Variants in PHACTR1 observed in about 807,000 individuals in gnomAD.
The protein encoded by PHACTR1 is phosphatase and actin regulator 1.
In PHACTR1, 16 loss-of-function variants were observed where a neutral mutation model predicts 69.2. The observed-to-expected ratio is 0.23, with a 90% CI of 0.16 to 0.35. The LOEUF (loss-of-function observed/expected upper bound fraction) is 0.35, where lower values mean the gene tolerates loss of function less well. Among genes scored for constraint, PHACTR1 ranks in the 10% least tolerant of loss-of-function variants. The pLI is 1.00. For synonymous variants in PHACTR1, 312 were observed against 284.5 expected (o/e 1.10, Z -0.97); for missense variants, 510 against 734.7 (o/e 0.69, Z 3.54).
rs112138988 is a variant in PHACTR1, at chr6:13,252,283, G to A, written c.1392-20577G>A. Among the ~76,000 whole-genome samples the A allele has an allele frequency of 1.8e-3, 262 of 143,752 alleles. 2 individuals are homozygous for A. Among genetic ancestry groups the A allele is most frequent in the African/African-American group, 5.9e-3 (228 of 38,362 alleles). The allele number at this position is 143,752 out of a possible 152,430, so 94.3% of individuals were successfully genotyped here. ...TCAGAGGTTGCAGTGAATCAAGATC[G>A]TGCCACTGCAGTCCAGCCTGAGCAA... On this transcript the variant is annotated intron_variant, in intron 10 of 14. Transcript: ENST00000332995.
At chr6:13,234,916 C>T (rs957005813) in intron 10 of PHACTR1, among the ~76,000 whole-genome samples, 12 of 152,138 alleles carry the variant, frequency 7.9e-5, no homozygotes, top group Non-Finnish European at 1.5e-4. Context: ...ATGATGCCAT[C>T]CACTGGGGTG....
At chr6:12,962,391 A>T (rs923571382) in intron 4 of PHACTR1, among the ~76,000 whole-genome samples, 1 of 152,210 alleles carries the variant, frequency 6.6e-6, no homozygotes, top group African/African-American at 2.4e-5. Flanking sequence ...GAGGGAGCAC[A>T]ATTTGGCCCC....
At chr6:12,987,384 T>A (rs147712925) in intron 4 of PHACTR1, among the ~76,000 whole-genome samples, 328 of 152,246 alleles carry the variant, frequency 2.2e-3, no homozygotes, top group African/African-American at 7.5e-3. Context: ...TAGAAAGACA[T>A]GAGATGAGAG....
intron 10 of PHACTR1, chr6:13,253,115 C>T (rs1328617085): frequency 4.5e-6 from 2 of 445,174 alleles, no homozygotes; most frequent in East Asian, 1.4e-4. Context: ...TGGCTTCTTC[C>T]CCACCCTCTA....
intron 10 of PHACTR1, among the ~76,000 whole-genome samples, chr6:13,255,956 G>C (rs574206843): frequency 1.5e-4 from 23 of 150,968 alleles, no homozygotes; most frequent in African/African-American, 5.4e-4. Flanking sequence ...GGGACTCTGT[G>C]GGGGGGGCTC....
At chr6:13,186,006 G>C (rs912447345) in intron 7 of PHACTR1, among the ~76,000 whole-genome samples, 15 of 152,276 alleles carry the variant, frequency 9.9e-5, no homozygotes, top group Non-Finnish European at 1.8e-4. Flanking sequence ...AGAGCAGGCT[G>C]TCTTTCACGT....
intron 4 of PHACTR1, among the ~76,000 whole-genome samples, chr6:13,040,247 G>C (rs1383970695): frequency 6.6e-6 from 1 of 152,140 alleles, no homozygotes; most frequent in Non-Finnish European, 1.5e-5. Flanking sequence ...GCTGAGAGCA[G>C]GACCCTTGAC....
intron 7 of PHACTR1, among the ~76,000 whole-genome samples, chr6:13,193,022 CT>C (rs1763811186): frequency 6.6e-6 from 1 of 152,110 alleles, no homozygotes; most frequent in African/African-American, 2.4e-5. Context: ...AAAGCAACCC[CT>C]TTAAAGAGTA....
At chr6:12,806,455 T>C (rs185072265) in intron 4 of PHACTR1, among the ~76,000 whole-genome samples, 1 of 152,276 alleles carries the variant, frequency 6.6e-6, no homozygotes, top group Non-Finnish European at 1.5e-5. Flanking sequence ...TTATTCCCTC[T>C]TTTATGGACT....
chr6:13,143,005 A>G (rs1256572818), intron 5 of PHACTR1, among the ~76,000 whole-genome samples: 3 of 152,222 alleles, frequency 2.0e-5, no homozygotes, highest in East Asian at 3.8e-4. Context: ...GATAATATAA[A>G]AAGAGGAAAG....
At chr6:12,822,707 C>T (rs1776357523) in intron 4 of PHACTR1, among the ~76,000 whole-genome samples, 1 of 152,178 alleles carries the variant, frequency 6.6e-6, no homozygotes, top group Admixed American at 6.5e-5. Flanking sequence ...CAGAACCAGA[C>T]CTTCTTTCTT....
chr6:12,750,551 GGGGGGAAGGAAGGGAGGAGGGA>G (rs945632958), intron 4 of PHACTR1, among the ~76,000 whole-genome samples: 2 of 147,392 alleles, frequency 1.4e-5, no homozygotes, highest in South Asian at 2.3e-4. Flanking sequence ...AAGGAAGGAA[GGGGGGAAGGAAGGGAGGAGGGA>G]GGGGGAAGGA....
chr6:12,848,919 C>CT (rs72267070), intron 4 of PHACTR1, among the ~76,000 whole-genome samples: 1,855 of 146,102 alleles, frequency 0.013, 28 homozygotes, highest in East Asian at 0.055. Context: ...GGAAATCAGA[C>CT]TTTTTTTTTT....
intron 5 of PHACTR1, among the ~76,000 whole-genome samples, chr6:13,130,272 C>T (rs1294283710): frequency 1.3e-5 from 2 of 151,384 alleles, no homozygotes; most frequent in Non-Finnish European, 3.0e-5. Context: ...CCAAATCCAG[C>T]AGAAAAACAA....
At chr6:13,077,737 G>A (rs1810750558) in intron 5 of PHACTR1, among the ~76,000 whole-genome samples, 1 of 152,106 alleles carries the variant, frequency 6.6e-6, no homozygotes, top group Non-Finnish European at 1.5e-5. Flanking sequence ...TAGTTAGGGG[G>A]CTATCGTAGC....
chr6:12,901,615 C>CAGTAA (rs1785203830), intron 4 of PHACTR1, among the ~76,000 whole-genome samples: 1 of 152,170 alleles, frequency 6.6e-6, no homozygotes, highest in African/African-American at 2.4e-5. Context: ...CTGCCTCAGC[C>CAGTAA]TCCCGAGTAG....
intron 10 of PHACTR1, among the ~76,000 whole-genome samples, chr6:13,241,948 G>A (rs540244813): frequency 6.7e-5 from 10 of 149,626 alleles, no homozygotes; most frequent in South Asian, 2.1e-4. Context: ...CAGGAGAATC[G>A]CTTGAACCCA....
chr6:13,086,654 C>T (rs550982076), intron 5 of PHACTR1, among the ~76,000 whole-genome samples: 4 of 151,974 alleles, frequency 2.6e-5, no homozygotes, highest in East Asian at 3.9e-4. Context: ...GTCGTTTATT[C>T]CTTTTTGTTG....
intron 4 of PHACTR1, among the ~76,000 whole-genome samples, chr6:13,030,653 A>G (rs1464028481): frequency 1.3e-5 from 2 of 152,372 alleles, no homozygotes; most frequent in East Asian, 3.9e-4. Flanking sequence ...ATCTGTTTGT[A>G]TTATAGCTGA....
Sources: gnomAD v4.1 joint callset for allele counts (sites outside exome capture counted in the v4.1 genomes callset) on GRCh38, gnomAD v4.1.1 for gene constraint, MANE v1.5 for transcripts, NCBI Gene and HGNC (gene_info 2026-07-23, HGNC 2026-07-21) for gene names.